The following RAD51B variants were observed in gnomAD, a reference collection of about 807,000 sequenced individuals.
The protein encoded by RAD51B is DNA repair protein RAD51 homolog 2.
Under a neutral mutation model 42.2 loss-of-function variants are expected in RAD51B, and 38 were observed. The ratio of observed to expected loss-of-function variants is 0.90; its 90% CI spans 0.70 to 1.18. RAD51B has a LOEUF of 1.18. Among genes scored for constraint, RAD51B ranks in the 50% most tolerant of loss-of-function variants. The pLI, the probability that RAD51B is intolerant of heterozygous loss-of-function variation, is 0.00. For synonymous variants in RAD51B, 154 were observed against 145.2 expected, an observed-to-expected ratio of 1.06 and a Z score of -0.43; for missense variants, 373 against 400.7, an observed-to-expected ratio of 0.93 and a Z score of 0.59.
intron 10 of RAD51B, among the ~76,000 whole-genome samples, chr14:68,606,797 C>T (rs1329425090): frequency 6.6e-6 from 1 of 152,204 alleles, no homozygotes; most frequent in Non-Finnish European, 1.5e-5. Context: ...CAGGACCCAC[C>T]TTTCCCACTG....
chr14:68,133,483 T>C (rs898743418), intron 7 of RAD51B, among the ~76,000 whole-genome samples: 3 of 152,216 alleles, frequency 2.0e-5, no homozygotes, highest in African/African-American at 7.2e-5. Context: ...GATTTTTTTT[T>C]CTTTTTGAGA....
chr14:68,509,820 CAGG>C (rs1885596328), intron 10 of RAD51B, among the ~76,000 whole-genome samples: 1 of 152,232 alleles, frequency 6.6e-6, no homozygotes, highest in Admixed American at 6.5e-5. Flanking sequence ...GGCCTTGTTC[CAGG>C]AGGACTTTAT....
In RAD51B at chr14:68,472,808, G is replaced by A. The variant is rs532707450; in HGVS notation, c.1036+4558G>A. Among the ~76,000 whole-genome samples the A allele has an allele frequency of 2.0e-5, 3 of 152,294 alleles. No homozygotes were observed. The East Asian group carries it at 5.8e-4, about 29-fold the overall frequency. On this transcript the variant is annotated intron_variant, in intron 10 of 10. Transcript: ENST00000471583. ...TATCTCCAACCACTTGGCATAGGGTGGCAGAAGAAAACAGAAAACAAAGCA... is the reference window on the plus strand; with the variant it reads ...TATCTCCAACCACTTGGCATAGGGTAGCAGAAGAAAACAGAAAACAAAGCA...
chr14:68,400,397 T>G (rs2084066175), intron 8 of RAD51B, among the ~76,000 whole-genome samples: 1 of 152,230 alleles, frequency 6.6e-6, no homozygotes, highest in Non-Finnish European at 1.5e-5. Flanking sequence ...GTGATGTTTT[T>G]TCCAGCACTC....
intron 10 of RAD51B, among the ~76,000 whole-genome samples, chr14:68,589,815 C>T (rs139731313): frequency 6.6e-6 from 1 of 152,304 alleles, no homozygotes; most frequent in East Asian, 1.9e-4. Flanking sequence ...ACTTTATTTT[C>T]TTTCTAATGG....
chr14:68,096,270 T>C (rs955338921), intron 7 of RAD51B, among the ~76,000 whole-genome samples: 12 of 152,222 alleles, frequency 7.9e-5, no homozygotes, highest in Non-Finnish European at 1.5e-5. Context: ...AAATTTGTAT[T>C]CAGGCTCCTT....
intron 8 of RAD51B, among the ~76,000 whole-genome samples, chr14:68,354,019 T>C (rs1166786696): frequency 6.6e-6 from 1 of 152,110 alleles, no homozygotes; most frequent in Non-Finnish European, 1.5e-5. Context: ...ACCACTTCCA[T>C]GAAACAAAGA....
chr14:68,650,316 G>A (rs1312051975), intron 10 of RAD51B, among the ~76,000 whole-genome samples: 1 of 152,132 alleles, frequency 6.6e-6, no homozygotes, highest in Non-Finnish European at 1.5e-5. Context: ...TGACTCTTCT[G>A]CTCAGCATCC....
At chr14:68,507,741 C>A (rs1353953249) in intron 10 of RAD51B, among the ~76,000 whole-genome samples, 1 of 152,322 alleles carries the variant, frequency 6.6e-6, no homozygotes, top group East Asian at 1.9e-4. Flanking sequence ...CATCACTCCT[C>A]AGCATAGCTC....
At chr14:67,944,783 G>C (rs1339236714) in intron 7 of RAD51B, among the ~76,000 whole-genome samples, 1 of 152,118 alleles carries the variant, frequency 6.6e-6, no homozygotes, top group East Asian at 1.9e-4. Context: ...AGCACTTACT[G>C]TGTGCCAGGC....
intron 7 of RAD51B, among the ~76,000 whole-genome samples, chr14:68,243,597 G>A (rs893338127): frequency 1.1e-4 from 17 of 152,166 alleles, no homozygotes; most frequent in Admixed American, 3.9e-4. Flanking sequence ...TGGAGCCTTG[G>A]TTTTTATTGC....
intron 7 of RAD51B, among the ~76,000 whole-genome samples, chr14:67,924,812 T>A (rs1278908768): frequency 6.6e-6 from 1 of 152,128 alleles, no homozygotes; most frequent in African/African-American, 2.4e-5. Context: ...TCAAAACCAA[T>A]CATGCCTTCC....
intron 7 of RAD51B, among the ~76,000 whole-genome samples, chr14:67,919,386 C>T (rs1385293971): frequency 2.0e-5 from 3 of 152,160 alleles, no homozygotes; most frequent in African/African-American, 4.8e-5. Context: ...AAATGTCTTG[C>T]TGTCCTCCCT....
In RAD51B at chr14:67,857,624, A is replaced by C. The variant is rs79595497; in HGVS notation, c.316-7379A>C. 2.2e-3 allele frequency among the ~76,000 whole-genome samples: 337 copies of C among 152,350 alleles called. 1 individual carries two copies. The highest frequency in any genetic ancestry group is 7.6e-3 in the African/African-American group (315 of 41,582). On this transcript the variant is annotated intron_variant, in intron 4 of 10. Transcript: ENST00000471583. ...CAAAGCATTGAACAGTTTTCAGCTCATTAAATCTGAGAACATATCCAAAAC... is the reference window on the plus strand; with the variant it reads ...CAAAGCATTGAACAGTTTTCAGCTCCTTAAATCTGAGAACATATCCAAAAC...
At chr14:67,943,284 A>G (rs2045270923) in intron 7 of RAD51B, among the ~76,000 whole-genome samples, 1 of 152,160 alleles carries the variant, frequency 6.6e-6, no homozygotes, top group African/African-American at 2.4e-5. Context: ...TACACATTTT[A>G]TTATATTGGA....
chr14:68,466,632 C>A (rs940180030), intron 9 of RAD51B, among the ~76,000 whole-genome samples: 3 of 152,198 alleles, frequency 2.0e-5, no homozygotes, highest in Non-Finnish European at 4.4e-5. Flanking sequence ...CTGGTTCCTG[C>A]CTTGGGAAGA....
At chr14:68,368,540 G>A (rs146706759) in intron 8 of RAD51B, among the ~76,000 whole-genome samples, 122 of 152,324 alleles carry the variant, frequency 8.0e-4, no homozygotes, top group African/African-American at 2.8e-3. Flanking sequence ...AGGGCAAATT[G>A]ATTTCATCTT....
At chr14:67,827,899 T>C (rs1284813517) in intron 3 of RAD51B, among the ~76,000 whole-genome samples, 1 of 152,196 alleles carries the variant, frequency 6.6e-6, no homozygotes, top group African/African-American at 2.4e-5. Flanking sequence ...TTGATGGGCA[T>C]TTGGGTTGAT....
intron 7 of RAD51B, among the ~76,000 whole-genome samples, chr14:68,162,891 A>G (rs111611396): frequency 0.049 from 7,481 of 152,326 alleles, 234 homozygotes; most frequent in Non-Finnish European, 0.074. Context: ...GCATACAGAA[A>G]TTTTCTTCCT....
Sources: gnomAD v4.1 joint callset for allele counts (sites outside exome capture counted in the v4.1 genomes callset) on GRCh38, gnomAD v4.1.1 for gene constraint, MANE v1.5 for transcripts, NCBI Gene and HGNC (gene_info 2026-07-23, HGNC 2026-07-21) for gene names.